Variants in PPP1R42 observed in about 807,000 individuals in gnomAD.
The protein encoded by PPP1R42 is leucine rich repeat containing 67.
A neutral mutation model predicts 31.0 loss-of-function variants in PPP1R42; 34 were observed. That is an observed-to-expected ratio of 1.10 (90% CI 0.83 to 1.46). PPP1R42 has a LOEUF of 1.46. Among genes scored for constraint, PPP1R42 ranks in the 40% most tolerant of loss-of-function variants. PPP1R42 has a pLI of 0.00. For missense variants in PPP1R42, 268 were observed against 303.0 expected, an observed-to-expected ratio of 0.88 and a Z score of 0.86; for synonymous variants, 103 against 109.8, an observed-to-expected ratio of 0.94 and a Z score of 0.39.
At chr8:67,010,890 C>A in intron 4 of PPP1R42, 59 bp from the exon 5 acceptor site, 1 of 1,411,104 alleles carries the variant, frequency 7.1e-7, no homozygotes, top group African/African-American at 1.5e-5. Context: ...TATATAGGAA[C>A]CAGAAATCCT....
intron 1 of PPP1R42, among the ~76,000 whole-genome samples, chr8:67,020,326 A>T (rs1816175368): frequency 6.6e-6 from 1 of 151,928 alleles, no homozygotes; most frequent in Non-Finnish European, 1.5e-5. Context: ...CAGCCTCCCG[A>T]GTAGCTGAGA....
chr8:66,984,880 T>C lies in PPP1R42; in HGVS notation c.671-2700A>G, dbSNP rs557505457. On this transcript the variant is annotated intron_variant, in intron 6 of 7. Transcript: ENST00000685739. ...CTGTGCTTCCCTCCTTGTCTGTCTC[T>C]GAAGTTTTTTCTGTTCCTTCTTGGT... 1.5e-5 allele frequency: 23 copies of C among 1,575,212 alleles called. 1 individual carries two copies. In the East Asian group the frequency reaches 4.9e-4, roughly 34 times the overall value.
chr8:67,021,803 G>T lies in PPP1R42; in HGVS notation c.-84-3972C>A, dbSNP rs575741439. On this transcript the variant is annotated intron_variant, in intron 1 of 7. Coordinates refer to ENST00000685739, the MANE Select transcript of PPP1R42 (RefSeq NM_001364910.1). ...TTTCACAATTTTACATGTTATCAATGATATTAATGATATTATTCTGTCTTT... is the reference window on the plus strand; with the variant it reads ...TTTCACAATTTTACATGTTATCAATTATATTAATGATATTATTCTGTCTTT... 2.0e-5 allele frequency among the ~76,000 whole-genome samples: 3 copies of T among 152,088 alleles called. No homozygotes were observed. In the South Asian group the frequency reaches 6.2e-4, roughly 32 times the overall value.
At chr8:66,969,836 C>A (rs1037562544) in intron 7 of PPP1R42, among the ~76,000 whole-genome samples, 1 of 152,024 alleles carries the variant, frequency 6.6e-6, no homozygotes, top group African/African-American at 2.4e-5. Flanking sequence ...TAGTATATTG[C>A]GATCACTAAT....
intron 1 of PPP1R42, among the ~76,000 whole-genome samples, chr8:67,018,616 A>C (rs1816093619): frequency 6.6e-6 from 1 of 150,934 alleles, no homozygotes; most frequent in Non-Finnish European, 1.5e-5. Flanking sequence ...GGGTTCAAAC[A>C]ATTCTCCTGC....
intron 1 of PPP1R42, among the ~76,000 whole-genome samples, chr8:67,025,342 GCT>G (rs1816361201): frequency 6.6e-6 from 1 of 151,764 alleles, no homozygotes; most frequent in Non-Finnish European, 1.5e-5. Context: ...AAACTCCTGG[GCT>G]CAAGTGATCC....
In PPP1R42 at chr8:67,013,091, A is replaced by G; in HGVS notation, c.302T>C (p.Leu101Pro). 1.3e-6 allele frequency: 2 copies of G among 1,592,878 alleles called. No individual in the cohort carries two copies. The highest frequency in any genetic ancestry group is 2.3e-5 in the South Asian group (2 of 85,678). The change falls in exon 4 of 8, where the codon CTG becomes CCG. Residue 101 changes from leucine to proline, a missense_variant. By Grantham distance (98) the Leu-to-Pro change is moderately conservative. Transcript: ENST00000685739. ...RSLKKLEKLY[L>P]GGNYIAVIEG... ...TATGACAGCAATGTAATTGCCTCCC[A>G]GATACCTGCAAAACATAGACATAAT...
chr8:67,010,123 T>C (rs1392742428), intron 5 of PPP1R42, among the ~76,000 whole-genome samples: 3 of 152,238 alleles, frequency 2.0e-5, no homozygotes, highest in African/African-American at 7.2e-5. Flanking sequence ...TAGTTGATTG[T>C]AGGTTTATTG....
intron 7 of PPP1R42, among the ~76,000 whole-genome samples, chr8:66,976,948 A>AG (rs560071150): frequency 1.8e-4 from 28 of 151,764 alleles, no homozygotes; most frequent in African/African-American, 6.8e-4. Context: ...ATCATATGGT[A>AG]GTTCTTCTTC....
intron 7 of PPP1R42, chr8:66,970,892 T>C (rs529397503): frequency 9.8e-5 from 93 of 949,922 alleles, no homozygotes; most frequent in Non-Finnish European, 1.4e-4. Context: ...GGAGACAGAT[T>C]GGATGGCCTC....
chr8:66,968,222 C>T lies in PPP1R42; in HGVS notation c.803-3888G>A, dbSNP rs1476444975. ...TCAAAAACAACGTCAATGAGTCTGA[C>T]TTTTTCCTCCCAGTAGAGAAAGCAG... On this transcript the variant is annotated intron_variant, in intron 7 of 7. Transcript: ENST00000685739. Among the ~76,000 whole-genome samples the T allele has an allele frequency of 2.0e-5, 3 of 152,130 alleles. No homozygotes were observed. The East Asian group carries it at 5.8e-4, about 29-fold the overall frequency.
intron 7 of PPP1R42, among the ~76,000 whole-genome samples, chr8:66,972,514 C>T (rs1313683193): frequency 2.0e-5 from 3 of 152,082 alleles, no homozygotes; most frequent in Non-Finnish European, 4.4e-5. Flanking sequence ...CTCAGCCTCC[C>T]TAGTAGCTGG....
chr8:67,021,581 A>C (rs906213262), intron 1 of PPP1R42, among the ~76,000 whole-genome samples: 1 of 152,208 alleles, frequency 6.6e-6, no homozygotes, highest in African/African-American at 2.4e-5. Context: ...TCATGATAAA[A>C]GTATAAGAAT....
At chr8:67,012,191 G>A (rs1028886898) in intron 4 of PPP1R42, among the ~76,000 whole-genome samples, 3 of 152,170 alleles carry the variant, frequency 2.0e-5, no homozygotes, top group Admixed American at 6.5e-5. Flanking sequence ...AGCAGAGGTC[G>A]TGCCACTGCA....
chr8:67,023,554 G>A (rs1816288269), intron 1 of PPP1R42, among the ~76,000 whole-genome samples: 1 of 152,150 alleles, frequency 6.6e-6, no homozygotes, highest in African/African-American at 2.4e-5. Context: ...CAGCAACACT[G>A]GTAAGGACAC....
intron 5 of PPP1R42, among the ~76,000 whole-genome samples, chr8:67,009,206 G>A (rs1188088677): frequency 1.6e-4 from 24 of 151,974 alleles, no homozygotes; most frequent in Admixed American, 1.5e-3. Context: ...GGAGGCGGAG[G>A]TTTCAGTGAC....
chr8:66,971,502 T>C (rs1174085526), intron 7 of PPP1R42, among the ~76,000 whole-genome samples: 4 of 152,232 alleles, frequency 2.6e-5, no homozygotes, highest in African/African-American at 9.6e-5. Context: ...ATTCTGGCAC[T>C]TAACATTCCA....
chr8:66,965,903 A>G (rs1585952657), intron 7 of PPP1R42, among the ~76,000 whole-genome samples: 1 of 152,102 alleles, frequency 6.6e-6, no homozygotes, highest in East Asian at 1.9e-4. Flanking sequence ...AGCCTGGGCA[A>G]CAAAATGAGA....
At chr8:66,985,880 A>G (rs1814994414) in intron 6 of PPP1R42, 1 of 1,075,856 alleles carries the variant, frequency 9.3e-7, no homozygotes, top group East Asian at 2.4e-5. Context: ...CACCTTCTCA[A>G]AATGGGGTAT....
Sources: gnomAD v4.1 joint callset for allele counts (sites outside exome capture counted in the v4.1 genomes callset) on GRCh38, gnomAD v4.1.1 for gene constraint, MANE v1.5 for transcripts, NCBI Gene and HGNC (gene_info 2026-07-23, HGNC 2026-07-21) for gene names.